Variants in ENPP3 observed in about 807,000 individuals in gnomAD.
The protein encoded by ENPP3 is ectonucleotide pyrophosphatase/phosphodiesterase 3.
ENPP3 carries 104 observed loss-of-function variants against 117.8 expected under a neutral mutation model. The ratio of observed to expected loss-of-function variants is 0.88; its 90% CI spans 0.75 to 1.04. ENPP3 has a LOEUF of 1.04. Ranked by LOEUF, ENPP3 falls within the 50% of genes least tolerant of loss-of-function variation. ENPP3 has a pLI of 0.00. For synonymous variants in ENPP3, 380 were observed against 349.9 expected, an observed-to-expected ratio of 1.09 and a Z score of -0.96; for missense variants, 1,026 against 1,051.9, an observed-to-expected ratio of 0.98 and a Z score of 0.34.
intron 21 of ENPP3, 106 bp downstream of exon 21, chr6:131,733,829 A>G (rs1445593330): frequency 8.3e-6 from 10 of 1,203,800 alleles, no homozygotes; most frequent in Non-Finnish European, 1.2e-5. Context: ...CTGCTTGGGT[A>G]AGCTAGCTGC....
intron 15 of ENPP3, among the ~76,000 whole-genome samples, chr6:131,713,422 C>T (rs1779829031): frequency 6.7e-6 from 1 of 148,864 alleles, no homozygotes; most frequent in Non-Finnish European, 1.5e-5. Flanking sequence ...AAGTCACATA[C>T]TAATTTATTT....
At chr6:131,666,330 G>T (rs1007844835) in intron 6 of ENPP3, among the ~76,000 whole-genome samples, 1 of 152,042 alleles carries the variant, frequency 6.6e-6, no homozygotes, top group Non-Finnish European at 1.5e-5. Context: ...ATGTCTTAGT[G>T]TGGATTTCTT....
chr6:131,675,633 G>C (rs952334462), intron 9 of ENPP3, among the ~76,000 whole-genome samples: 3 of 152,100 alleles, frequency 2.0e-5, no homozygotes, highest in East Asian at 1.9e-4. Flanking sequence ...TTCAAGACCA[G>C]CCTGGTCAAC....
At chr6:131,733,465 C>A in intron 20 of ENPP3, 123 bp from the exon 21 acceptor site, 1 of 1,047,130 alleles carries the variant, frequency 9.5e-7, no homozygotes, top group Non-Finnish European at 1.3e-6. Flanking sequence ...TTGCGTAGAC[C>A]TGATTCACTA....
intron 6 of ENPP3, among the ~76,000 whole-genome samples, chr6:131,668,420 G>A (rs1305118672): frequency 6.6e-6 from 1 of 151,724 alleles, no homozygotes; most frequent in East Asian, 1.9e-4. Flanking sequence ...TCACCATGTT[G>A]GCCAGGCTGG....
intron 1 of ENPP3, among the ~76,000 whole-genome samples, chr6:131,639,255 A>ATC (rs1777990464): frequency 1.8e-5 from 1 of 57,124 alleles, no homozygotes; most frequent in Non-Finnish European, 2.9e-5. Context: ...TAATATATAT[A>ATC]TATATATATA....
chr6:131,737,469 T>C (rs1585737356), intron 22 of ENPP3, 37 bp downstream of exon 22: 2 of 1,169,090 alleles, frequency 1.7e-6, no homozygotes, highest in Non-Finnish European at 2.5e-6. Context: ...TTAAAATAGT[T>C]AAGTGACTCC....
intron 20 of ENPP3, among the ~76,000 whole-genome samples, chr6:131,728,604 C>T (rs1394346756): frequency 6.6e-6 from 1 of 152,152 alleles, no homozygotes; most frequent in Non-Finnish European, 1.5e-5. Flanking sequence ...AAATTACATA[C>T]AAGGATGTTT....
At chr6:131,638,943 T>C (rs1158312506) in intron 1 of ENPP3, among the ~76,000 whole-genome samples, 1 of 151,904 alleles carries the variant, frequency 6.6e-6, no homozygotes, top group Non-Finnish European at 1.5e-5. Context: ...ACTATGTGTG[T>C]GCCCCAGTGC....
chr6:131,691,308 G>T (rs1483672754), intron 14 of ENPP3, among the ~76,000 whole-genome samples: 2 of 152,114 alleles, frequency 1.3e-5, no homozygotes, highest in Non-Finnish European at 2.9e-5. Flanking sequence ...GTCAAAAACG[G>T]CCGGGCGCGG....
chr6:131,676,104 AGATGATTTGC>A (rs1340399269), intron 9 of ENPP3, among the ~76,000 whole-genome samples: 6 of 151,974 alleles, frequency 3.9e-5, no homozygotes, highest in African/African-American at 1.2e-4. Flanking sequence ...ACCCTCCCTG[AGATGATTTGC>A]TCCATGGATC....
At chr6:131,729,138 A>G (rs1780220450) in intron 20 of ENPP3, among the ~76,000 whole-genome samples, 1 of 152,172 alleles carries the variant, frequency 6.6e-6, no homozygotes, top group Admixed American at 6.5e-5. Context: ...ATATCATTCC[A>G]TGTTAAAAAG....
chr6:131,683,470 C>A (rs1244284388), intron 12 of ENPP3, among the ~76,000 whole-genome samples: 1 of 152,162 alleles, frequency 6.6e-6, no homozygotes, highest in Non-Finnish European at 1.5e-5. Context: ...GACCTTCTTT[C>A]CAGCCATGAT....
chr6:131,654,437 G>A (rs1391610311), intron 5 of ENPP3, among the ~76,000 whole-genome samples: 1 of 151,974 alleles, frequency 6.6e-6, no homozygotes. Context: ...TACTGTGCTG[G>A]CCAGTGGAGG....
intron 5 of ENPP3, among the ~76,000 whole-genome samples, chr6:131,658,041 G>C (rs1778422009): frequency 6.6e-6 from 1 of 151,656 alleles, no homozygotes; most frequent in Non-Finnish European, 1.5e-5. Context: ...TGTAATCCCA[G>C]CTACTCTGAG....
intron 2 of ENPP3, among the ~76,000 whole-genome samples, chr6:131,648,949 AC>A (rs1191742420): frequency 6.6e-6 from 1 of 151,748 alleles, no homozygotes; most frequent in African/African-American, 2.4e-5. Flanking sequence ...AAATATTCAG[AC>A]CCCCTCCTAA....
chr6:131,656,272 A>T (rs1251626198), intron 5 of ENPP3, among the ~76,000 whole-genome samples: 1 of 152,232 alleles, frequency 6.6e-6, no homozygotes, highest in Non-Finnish European at 1.5e-5. Context: ...GGCAGTAAAA[A>T]TAATATGGAT....
chr6:131,673,005 T>G (rs1012904041), intron 7 of ENPP3, among the ~76,000 whole-genome samples: 2 of 152,146 alleles, frequency 1.3e-5, no homozygotes, highest in Non-Finnish European at 2.9e-5. Flanking sequence ...TACAGAAAGC[T>G]TCTATCTAGT....
rs1470810879 is a variant in ENPP3 at position 131,679,346 on chromosome 6, C to G, written c.1011+1406C>G. ...CTGACCTCAGGTGATCCACCTGCCT[C>G]AGCCTCCCAAAGTGTTGGGATTACA... is the stretch of plus-strand genomic sequence containing the variant. On this transcript the variant is annotated intron_variant, in intron 11 of 24. Transcript: ENST00000357639. Among the ~76,000 whole-genome samples, 6 of 151,940 alleles carry G rather than the reference C, an allele frequency of 3.9e-5. No individual in the cohort carries two copies. The East Asian group carries it at 1.2e-3, about 29-fold the overall frequency.
Sources: allele counts gnomAD v4.1 joint callset (sites outside exome capture counted in the v4.1 genomes callset), GRCh38; gene constraint gnomAD v4.1.1; transcripts MANE v1.5; gene names NCBI Gene and HGNC (gene_info 2026-07-23, HGNC 2026-07-21).